Variants in HTR2C observed in about 807,000 individuals in gnomAD.
HTR2C encodes the protein 5-hydroxytryptamine receptor 2C.
In HTR2C, 5 loss-of-function variants were observed where a neutral mutation model predicts 21.0. The ratio of observed to expected loss-of-function variants is 0.24; its 90% confidence interval spans 0.12 to 0.50. The LOEUF (loss-of-function observed/expected upper bound fraction) is 0.50, where lower values mean the gene tolerates loss of function less well. Among genes scored for constraint, HTR2C ranks in the 20% least tolerant of loss-of-function variants. The pLI is 0.98. For missense variants in HTR2C, 271 were observed against 371.2 expected, an observed-to-expected ratio of 0.73 and a Z score of 2.22; for synonymous variants, 150 against 145.3, an observed-to-expected ratio of 1.03 and a Z score of -0.23.
chrX:114,698,108 G>A (rs782332310), intron 2 of HTR2C, among the ~76,000 whole-genome samples: 6 of 112,103 alleles, frequency 5.4e-5, no homozygotes, highest in Admixed American at 9.5e-5. Context: ...CTTCTAACGA[G>A]GCCCTTTCCA....
At chrX:114,642,457 A>G (rs1930172945) in intron 2 of HTR2C, among the ~76,000 whole-genome samples, 1 of 112,129 alleles carries the variant, frequency 8.9e-6, no homozygotes, top group Non-Finnish European at 1.9e-5. Context: ...GGGAATTGCC[A>G]TAAATTAAAA....
intron 4 of HTR2C, among the ~76,000 whole-genome samples, chrX:114,819,253 T>C (rs1176952410): frequency 2.7e-5 from 3 of 112,347 alleles, no homozygotes; most frequent in Non-Finnish European, 5.6e-5. Flanking sequence ...GTTCTAATCA[T>C]ACTAGCAAGT....
intron 2 of HTR2C, among the ~76,000 whole-genome samples, chrX:114,661,314 C>T (rs187406673): frequency 8.6e-4 from 95 of 110,265 alleles, no homozygotes; most frequent in African/African-American, 2.9e-3. Context: ...TGGTGGTGGG[C>T]GCCTCTAGTC....
intron 2 of HTR2C, among the ~76,000 whole-genome samples, chrX:114,660,337 A>G (rs1306804768): frequency 8.9e-6 from 1 of 112,274 alleles, no homozygotes; most frequent in African/African-American, 3.2e-5. Context: ...TCAATTCATT[A>G]TTAGGAGAAA....
chrX:114,854,884 A>G (rs1169149964), intron 5 of HTR2C, among the ~76,000 whole-genome samples: 2 of 111,946 alleles, frequency 1.8e-5, no homozygotes, highest in African/African-American at 6.5e-5. Context: ...ACAACAAAAG[A>G]CAACCCCATT....
intron 1 of HTR2C, among the ~76,000 whole-genome samples, chrX:114,592,250 G>A (rs1037783400): frequency 8.9e-6 from 1 of 112,286 alleles, no homozygotes; most frequent in Non-Finnish European, 1.9e-5. Flanking sequence ...GGTTTTCACC[G>A]CAATTACTTT....
intron 2 of HTR2C, among the ~76,000 whole-genome samples, chrX:114,623,712 A>G (rs149861158): frequency 0.023 from 2,547 of 110,941 alleles, 82 homozygotes; most frequent in African/African-American, 0.079. Flanking sequence ...CAGCATACAC[A>G]TCAAAGTTTC....
intron 2 of HTR2C, among the ~76,000 whole-genome samples, chrX:114,661,062 C>T (rs782605079): frequency 5.3e-5 from 6 of 112,612 alleles, no homozygotes; most frequent in African/African-American, 1.9e-4. Context: ...TCATGTCTCC[C>T]TAACTTTGGC....
intron 4 of HTR2C, among the ~76,000 whole-genome samples, chrX:114,788,016 C>A (rs1469044815): frequency 9.3e-6 from 1 of 107,386 alleles, no homozygotes; most frequent in Admixed American, 1.0e-4. Flanking sequence ...TTTTTTGATA[C>A]ATTTTGAGTT....
At chrX:114,679,602 G>C (rs1300122655) in intron 2 of HTR2C, among the ~76,000 whole-genome samples, 1 of 111,435 alleles carries the variant, frequency 9.0e-6, no homozygotes, top group African/African-American at 3.3e-5. Flanking sequence ...TTTTAAAAGC[G>C]AAGATGACCT....
intron 4 of HTR2C, among the ~76,000 whole-genome samples, chrX:114,771,340 T>A (rs181943848): frequency 4.2e-4 from 47 of 110,911 alleles, no homozygotes; most frequent in Admixed American, 1.2e-3. Context: ...CTTTGATATT[T>A]GTTTTTATTT....
chrX:114,850,480 T>C (rs782807825), intron 5 of HTR2C, among the ~76,000 whole-genome samples: 132 of 111,001 alleles, frequency 1.2e-3, no homozygotes, highest in African/African-American at 4.2e-3. Context: ...GATGGCGAAT[T>C]TCCAAATTTA....
At chrX:114,636,940 G>A (rs1279629372) in intron 2 of HTR2C, among the ~76,000 whole-genome samples, 8 of 112,105 alleles carry the variant, frequency 7.1e-5, no homozygotes, top group African/African-American at 1.9e-4. Flanking sequence ...CGTTGTAAAC[G>A]TTGTTACCAG....
At chrX:114,838,978 A>G (rs1263270719) in intron 4 of HTR2C, among the ~76,000 whole-genome samples, 1 of 112,351 alleles carries the variant, frequency 8.9e-6, no homozygotes, top group African/African-American at 3.2e-5. Flanking sequence ...AAACATGTCA[A>G]GGAGAATACA....
At chrX:114,694,434 A>AATATATATATATAT (rs782501990) in intron 2 of HTR2C, among the ~76,000 whole-genome samples, 1 of 91,942 alleles carries the variant, frequency 1.1e-5, no homozygotes, top group Non-Finnish European at 2.1e-5. Flanking sequence ...TCCTCAACTA[A>AATATATATATATAT]ATATATATAT....
At chrX:114,672,432 A>T (rs781887957) in intron 2 of HTR2C, among the ~76,000 whole-genome samples, 2 of 111,674 alleles carry the variant, frequency 1.8e-5, no homozygotes, top group African/African-American at 6.5e-5. Flanking sequence ...AAAATCATAT[A>T]AATATTTCAA....
intron 4 of HTR2C, among the ~76,000 whole-genome samples, chrX:114,803,761 CT>C (rs1185316786): frequency 4.6e-5 from 5 of 109,827 alleles, no homozygotes; most frequent in Non-Finnish European, 7.6e-5. Context: ...TCAATTTTGT[CT>C]TTTGTTTCCA....
chrX:114,733,571 G>A (rs1250645312), intron 4 of HTR2C, among the ~76,000 whole-genome samples: 1 of 105,860 alleles, frequency 9.4e-6, no homozygotes. Context: ...GGTGGAAAAA[G>A]GTAAAAAAGG....
intron 2 of HTR2C, among the ~76,000 whole-genome samples, chrX:114,633,665 A>G (rs1929716280): frequency 9.0e-6 from 1 of 111,272 alleles, no homozygotes; most frequent in African/African-American, 3.3e-5. Flanking sequence ...AAAAATATAT[A>G]TTCTTTTGAT....
Sources: gnomAD v4.1 joint callset for allele counts (sites outside exome capture counted in the v4.1 genomes callset) on GRCh38, gnomAD v4.1.1 for gene constraint, MANE v1.5 for transcripts, NCBI Gene and HGNC (gene_info 2026-07-23, HGNC 2026-07-21) for gene names.